DOCK1: variants seen among roughly 807,000 people sequenced by gnomAD.
DOCK1 encodes the protein dedicator of cytokinesis protein 1.
DOCK1 carries 138 observed loss-of-function variants against 262.7 expected under a neutral mutation model. That is an observed-to-expected ratio of 0.53 (90% CI 0.46 to 0.61). The LOEUF is 0.61. Ranked by LOEUF, DOCK1 falls within the 20% of genes least tolerant of loss-of-function variation. DOCK1 has a pLI of 0.00. For missense variants in DOCK1, 1,908 were observed against 2,370.7 expected, an observed-to-expected ratio of 0.80 and a Z score of 4.05; for synonymous variants, 866 against 867.4, an observed-to-expected ratio of 1.00 and a Z score of 0.03.
At chr10:127,395,628 T>C (rs2134239736) in intron 38 of DOCK1, among the ~76,000 whole-genome samples, 1 of 152,298 alleles carries the variant, frequency 6.6e-6, no homozygotes, top group Non-Finnish European at 1.5e-5. Flanking sequence ...TTTTCCTCTT[T>C]TCAGGGGGTA....
chr10:127,083,998 T>A (rs912065307), intron 23 of DOCK1, among the ~76,000 whole-genome samples: 9 of 152,252 alleles, frequency 5.9e-5, no homozygotes, highest in African/African-American at 1.9e-4. Flanking sequence ...CCCTAAAAAA[T>A]TAATATTTGT....
chr10:127,357,497 T>C (rs2064203870), intron 32 of DOCK1, among the ~76,000 whole-genome samples: 1 of 152,164 alleles, frequency 6.6e-6, no homozygotes, highest in Non-Finnish European at 1.5e-5. Context: ...TCTGTCATGC[T>C]CCAGATAGGC....
At chr10:127,040,053 C>T (rs548187547) in intron 19 of DOCK1, among the ~76,000 whole-genome samples, 1 of 152,278 alleles carries the variant, frequency 6.6e-6, no homozygotes, top group South Asian at 2.1e-4. Flanking sequence ...TTCTGTGCCA[C>T]TGACCATGTC....
At chr10:127,285,195 T>C (rs2135314993) in intron 29 of DOCK1, among the ~76,000 whole-genome samples, 1 of 152,300 alleles carries the variant, frequency 6.6e-6, no homozygotes, top group Middle Eastern at 3.4e-3. Flanking sequence ...CATTTTCTGA[T>C]TTTTCTTCTG....
chr10:127,086,238 C>T (rs192886595), intron 23 of DOCK1, among the ~76,000 whole-genome samples: 2 of 151,722 alleles, frequency 1.3e-5, no homozygotes, highest in South Asian at 2.1e-4. Flanking sequence ...CCCATCCCCC[C>T]ACCCCCGGTG....
intron 27 of DOCK1, among the ~76,000 whole-genome samples, chr10:127,168,319 A>T (rs1275340510): frequency 1.3e-5 from 2 of 152,274 alleles, no homozygotes; most frequent in African/African-American, 2.4e-5. Context: ...TATCAAGAAT[A>T]TTAGAAAATG....
In DOCK1 at chr10:127,412,677, G is replaced by A. The variant is rs1252731956; in HGVS notation, c.4428+1753G>A. Among the ~76,000 whole-genome samples, 3 of 152,204 alleles carry A rather than the reference G, an allele frequency of 2.0e-5. No homozygotes were observed. The East Asian group carries it at 5.8e-4, about 29-fold the overall frequency. On this transcript the variant is annotated intron_variant, in intron 43 of 51. Transcript: ENST00000623213. ...AGCAGGGTTGCCTCAAGTAAAGAGT[G>A]GTGGCTACCCAGTCTCCCTCCCAAT...
chr10:126,974,913 G>C lies in DOCK1; in HGVS notation c.131-3035G>C, dbSNP rs552599840. On this transcript the variant is annotated intron_variant, in intron 2 of 51. Transcript: ENST00000623213. ...CCATGGTTTTCATTTTGCTTAGGAA[G>C]GCCATTAGAAGAGGAATCGACTGCC... Among the ~76,000 whole-genome samples, 195 of 152,040 alleles carry C rather than the reference G, an allele frequency of 1.3e-3. 1 individual carries two copies. The highest frequency in any genetic ancestry group is 2.1e-3 in the Non-Finnish European group (142 of 68,020).
chr10:127,166,643 G>A (rs1174228147), intron 27 of DOCK1, among the ~76,000 whole-genome samples: 1 of 152,254 alleles, frequency 6.6e-6, no homozygotes, highest in Non-Finnish European at 1.5e-5. Flanking sequence ...TAGGTCATCT[G>A]TATGGGGATT....
At chr10:127,163,423 C>T (rs1391683690) in intron 27 of DOCK1, among the ~76,000 whole-genome samples, 2 of 152,068 alleles carry the variant, frequency 1.3e-5, no homozygotes, top group Admixed American at 6.6e-5. Flanking sequence ...ACAATGTGGG[C>T]AGAGGTTTTT....
chr10:127,347,291 T>C (rs1037624219), intron 31 of DOCK1, among the ~76,000 whole-genome samples: 3 of 152,096 alleles, frequency 2.0e-5, no homozygotes, highest in East Asian at 1.9e-4. Context: ...ACAGACCTCG[T>C]GACGAAGAAG....
intron 16 of DOCK1, among the ~76,000 whole-genome samples, chr10:127,028,054 C>T (rs2042993708): frequency 9.3e-6 from 1 of 107,540 alleles, no homozygotes; most frequent in African/African-American, 3.8e-5. Flanking sequence ...GTGGGTGGTG[C>T]ATGGCGGGGG....
At chr10:127,269,333 G>T (rs2060481410) in intron 29 of DOCK1, among the ~76,000 whole-genome samples, 1 of 152,110 alleles carries the variant, frequency 6.6e-6, no homozygotes, top group South Asian at 2.1e-4. Flanking sequence ...TGAGCCCACA[G>T]GTAAGGGTGT....
chr10:127,355,501 T>C (rs2064103107), intron 32 of DOCK1, among the ~76,000 whole-genome samples: 1 of 152,166 alleles, frequency 6.6e-6, no homozygotes, highest in Non-Finnish European at 1.5e-5. Context: ...GGGGTGCTGG[T>C]GGCCTTGCCT....
intron 39 of DOCK1, 86 bp from the exon 40 acceptor site, chr10:127,404,239 A>T: frequency 8.7e-7 from 1 of 1,150,988 alleles, no homozygotes; most frequent in Non-Finnish European, 1.3e-6. Flanking sequence ...AAGTTGCCAG[A>T]GCTTTTAAAG....
At chr10:127,252,414 G>T (rs1163258050) in intron 28 of DOCK1, among the ~76,000 whole-genome samples, 9 of 145,462 alleles carry the variant, frequency 6.2e-5, no homozygotes, top group African/African-American at 1.7e-4. Context: ...GTCAATTTTG[G>T]CTTTTGTTGC....
intron 29 of DOCK1, among the ~76,000 whole-genome samples, chr10:127,284,829 T>A (rs1012121137): frequency 6.6e-6 from 1 of 152,196 alleles, no homozygotes; most frequent in Non-Finnish European, 1.5e-5. Flanking sequence ...TTCTTTATGG[T>A]GTGTTTTAGA....
chr10:127,039,867 G>T (rs1244523476), intron 19 of DOCK1, among the ~76,000 whole-genome samples: 1 of 152,236 alleles, frequency 6.6e-6, no homozygotes, highest in Non-Finnish European at 1.5e-5. Context: ...TGTCCCATTA[G>T]ATGGAAAATG....
Position 126,956,127 on chromosome 10 carries a change from C to T in DOCK1, c.47-14575C>T, listed in dbSNP as rs1014620977. Among the ~76,000 whole-genome samples the T allele has an allele frequency of 9.5e-4, 144 of 152,316 alleles. 1 individual carries two copies. Among genetic ancestry groups the T allele is most frequent in the African/African-American group, 3.4e-3 (141 of 41,580 alleles). ...GCAGCCGGCGCATCTGGGCCAGGCC[C>T]AGGCTGCCACTGTGCAGTTGCTGAT... On this transcript the variant is annotated intron_variant, in intron 1 of 51. Transcript: ENST00000623213.
Sources: gnomAD v4.1 joint callset for allele counts (sites outside exome capture counted in the v4.1 genomes callset) on GRCh38, gnomAD v4.1.1 for gene constraint, MANE v1.5 for transcripts, NCBI Gene and HGNC (gene_info 2026-07-23, HGNC 2026-07-21) for gene names.